Variants in MDN1 observed in about 807,000 individuals in gnomAD.
MDN1 encodes midasin AAA ATPase 1, also known as midasin.
A neutral mutation model predicts 669.2 loss-of-function variants in MDN1; 266 were observed. The observed-to-expected ratio is 0.40, with a 90% CI of 0.36 to 0.44. The LOEUF is 0.44. Ranked by LOEUF, MDN1 falls within the 20% of genes least tolerant of loss-of-function variation. The pLI is 1.00. For missense variants in MDN1, 5,940 were observed against 6,754.0 expected (o/e 0.88, Z 4.22); for synonymous variants, 2,385 against 2,457.1 (o/e 0.97, Z 0.87).
At position 89,670,901 on chromosome 6, in the gene MDN1, C is replaced by T. The variant is rs778854491; in HGVS notation, c.13956+18G>A. The T allele has an allele frequency of 6.2e-6, 10 of 1,611,604 alleles. No homozygotes were observed. The African/African-American group carries it at 1.3e-4, about 22-fold the overall frequency. On this transcript the variant is annotated intron_variant, in intron 83 of 101. Transcript: ENST00000369393. ...TGGGTCCCTGCTGCTCACAGTGCAC[C>T]ATGTGAACAGTCCTTACCTTCTGGG...
intron 22 of MDN1, among the ~76,000 whole-genome samples, chr6:89,751,789 G>A (rs1314915390): frequency 6.6e-6 from 1 of 152,144 alleles, no homozygotes; most frequent in African/African-American, 2.4e-5. Context: ...AGTGGAGTAG[G>A]TGGGTTTGGA....
At chr6:89,700,610 G>T in intron 56 of MDN1, 36 bp downstream of exon 56, 2 of 1,590,480 alleles carry the variant, frequency 1.3e-6, no homozygotes, top group South Asian at 1.1e-5. Flanking sequence ...TATTTTCAGA[G>T]CATCTGTCAG....
At chr6:89,662,729 G>C in intron 86 of MDN1, 63 bp downstream of exon 86, 1 of 1,523,236 alleles carries the variant, frequency 6.6e-7, no homozygotes, top group South Asian at 1.2e-5. Flanking sequence ...GACAGAGAAT[G>C]GTAGGTTGTG....
At chr6:89,663,436 G>A (rs1388645222) in intron 85 of MDN1, among the ~76,000 whole-genome samples, 1 of 152,196 alleles carries the variant, frequency 6.6e-6, no homozygotes, top group African/African-American at 2.4e-5. Flanking sequence ...CATATCCTAT[G>A]TGCCTTAGGC....
intron 1 of MDN1, among the ~76,000 whole-genome samples, chr6:89,808,131 T>C (rs994702617): frequency 6.6e-6 from 1 of 152,006 alleles, no homozygotes; most frequent in Admixed American, 6.6e-5. Flanking sequence ...CATTATATAA[T>C]CACTTTTTAA....
chr6:89,739,221 C>G (rs145262717), intron 32 of MDN1, among the ~76,000 whole-genome samples: 1 of 152,146 alleles, frequency 6.6e-6, no homozygotes, highest in African/African-American at 2.4e-5. Flanking sequence ...GTTAGGCATG[C>G]GAAACTAAAA....
At chr6:89,792,674 AT>A (rs72383790) in intron 5 of MDN1, among the ~76,000 whole-genome samples, 26,077 of 146,354 alleles carry the variant, frequency 0.18, 2,243 homozygotes, top group East Asian at 0.23. Context: ...TTACATTTTA[AT>A]TTTTTTTTTT....
intron 92 of MDN1, among the ~76,000 whole-genome samples, chr6:89,655,525 A>C (rs1163762041): frequency 2.0e-5 from 3 of 152,192 alleles, no homozygotes. Flanking sequence ...TTGTACCAAA[A>C]ACAAACTGTA....
chr6:89,712,625 G>A lies in MDN1; in HGVS notation c.7380C>T (p.Ile2460=), dbSNP rs1475798426. Residue 2460 remains isoleucine (I), a synonymous_variant, in exon 48 of 102, where the codon ATC becomes ATT. Coordinates refer to ENST00000369393, the MANE Select transcript of MDN1 (RefSeq NM_014611.3). Reference sequence around the variant, plus strand: ...TCATCCTGTTGAGACAATATACTAAGATCTGTCCATCTCTTCGGACTGTAG... The same window carrying A: ...TCATCCTGTTGAGACAATATACTAAAATCTGTCCATCTCTTCGGACTGTAG... ...HLSTVRRDGQ[I]LVYCLNRMSM... is the part of the protein sequence containing the mutation. The A allele has an allele frequency of 3.1e-6, 5 of 1,614,012 alleles. No homozygotes were observed. The highest frequency in any genetic ancestry group is 2.2e-5 in the East Asian group (1 of 44,898).
Position 89,687,366 on chromosome 6 carries a change from G to A in MDN1, c.11428C>T (p.Arg3810Trp), listed in dbSNP as rs1421919084. Reference protein sequence around the residue: ...HLDLISQMIIRWRKLELNCWS... With the variant: ...HLDLISQMIIWWRKLELNCWS... ...TACTTCAGCTCCAGTTTACGCCACC[G>A]AATGATCATCTGACTGATCAAATCA... Residue 3810 changes from arginine to tryptophan, a missense_variant, in exon 68 of 102, where the codon CGG becomes TGG. Coordinates refer to ENST00000369393, the MANE Select transcript of MDN1 (RefSeq NM_014611.3). 4 of 1,613,850 alleles carry A rather than the reference G, an allele frequency of 2.5e-6. No individual in the cohort carries two copies. Among genetic ancestry groups the A allele is most frequent in the Non-Finnish European group, 2.5e-6 (3 of 1,179,950 alleles).
chr6:89,775,967 G>A (rs1026910399), intron 12 of MDN1, among the ~76,000 whole-genome samples: 1 of 152,106 alleles, frequency 6.6e-6, no homozygotes, highest in African/African-American at 2.4e-5. Context: ...GGGATTACAG[G>A]TGTGAGCCAC....
At chr6:89,776,801 G>T (rs1818379246) in intron 11 of MDN1, 106 bp from the exon 12 acceptor site, 1 of 775,140 alleles carries the variant, frequency 1.3e-6, no homozygotes, top group Non-Finnish European at 1.9e-6. Flanking sequence ...AATCCAGCAG[G>T]AACATTTCTC....
At chr6:89,662,651 T>C in intron 86 of MDN1, 141 bp downstream of exon 86, 2 of 1,002,144 alleles carry the variant, frequency 2.0e-6, no homozygotes, top group African/African-American at 1.6e-5. Flanking sequence ...TAAGATAGGA[T>C]AGAAAAAAGA....
At chr6:89,756,247 G>C (rs1817238766) in intron 20 of MDN1, 30 bp downstream of exon 20, 3 of 1,098,734 alleles carry the variant, frequency 2.7e-6, no homozygotes, top group East Asian at 5.1e-5. Context: ...CAGAGAAAGA[G>C]CTTATAAAGA....
chr6:89,661,634 A>C, intron 87 of MDN1, 56 bp from the exon 88 acceptor site: 3 of 1,502,070 alleles, frequency 2.0e-6, no homozygotes, highest in Non-Finnish European at 2.7e-6. Context: ...TTTTTTTAAA[A>C]AGTAGAATTC....
chr6:89,712,423 G>A (rs1814003275), intron 48 of MDN1, 152 bp downstream of exon 48: 1 of 943,084 alleles, frequency 1.1e-6, no homozygotes, highest in Admixed American at 2.4e-5. Context: ...ATAATCAATA[G>A]GGAGCAATAT....
chr6:89,809,358 T>G (rs372053780), intron 1 of MDN1, among the ~76,000 whole-genome samples: 1 of 151,192 alleles, frequency 6.6e-6, no homozygotes, highest in Non-Finnish European at 1.5e-5. Context: ...AGACTGAACA[T>G]AGTGGTTCAC....
In MDN1 at chr6:89,782,423, C is replaced by G. The variant is rs1053831628; in HGVS notation, c.1450-831G>C. 2.6e-5 allele frequency among the ~76,000 whole-genome samples: 4 copies of G among 151,854 alleles called. No homozygotes were observed. The East Asian group carries it at 5.8e-4, about 22-fold the overall frequency. ...CAAGCCTGGGCAACACGGTGAAAAC[C>G]TGTCTCTACAAAACATTTGCTGGGC... On this transcript the variant is annotated intron_variant, in intron 9 of 101. Coordinates refer to ENST00000369393, the MANE Select transcript of MDN1 (RefSeq NM_014611.3).
intron 5 of MDN1, among the ~76,000 whole-genome samples, chr6:89,791,875 A>ATTTTTT (rs66492732): frequency 3.5e-5 from 4 of 114,072 alleles, no homozygotes; most frequent in Non-Finnish European, 6.9e-5. Context: ...AAAACTTTTA[A>ATTTTTT]TTTTTTTTTT....
Sources: gnomAD v4.1 joint callset for allele counts (sites outside exome capture counted in the v4.1 genomes callset) on GRCh38, gnomAD v4.1.1 for gene constraint, MANE v1.5 for transcripts, NCBI Gene and HGNC (gene_info 2026-07-23, HGNC 2026-07-21) for gene names.